The following PCDH11X variants were observed in gnomAD, a reference collection of about 807,000 sequenced individuals.
PCDH11X encodes the protein protocadherin 11 X-linked.
Under a neutral mutation model 53.3 loss-of-function variants are expected in PCDH11X, and 18 were observed. The observed-to-expected ratio is 0.34, with a 90% confidence interval of 0.23 to 0.50. The LOEUF (loss-of-function observed/expected upper bound fraction) is 0.50, where lower values mean the gene tolerates loss of function less well. Ranked by LOEUF, PCDH11X falls within the 20% of genes least tolerant of loss-of-function variation. The probability of loss-of-function intolerance (pLI) is 0.98; values close to 1 mark genes in which losing one functional copy is unlikely to be tolerated. For synonymous variants in PCDH11X, 279 were observed against 393.3 expected (o/e 0.71, Z 3.44); for missense variants, 570 against 1,032.4 (o/e 0.55, Z 6.14).
chrX:92,054,774 C>T (rs1320132779), intron 6 of PCDH11X, among the ~76,000 whole-genome samples: 3 of 90,834 alleles, frequency 3.3e-5, no homozygotes, highest in African/African-American at 4.3e-5. Flanking sequence ...GAGCTGAGAT[C>T]GTGCCATTGC....
At chrX:92,567,170 A>G (rs1266498950) in intron 10 of PCDH11X, among the ~76,000 whole-genome samples, 1 of 104,535 alleles carries the variant, frequency 9.6e-6, no homozygotes, top group Non-Finnish European at 2.0e-5. Context: ...AAGAATGTCA[A>G]TGGTACTTTA....
intron 7 of PCDH11X, among the ~76,000 whole-genome samples, chrX:92,262,430 A>ATGCTTT (rs1389567420): frequency 9.0e-6 from 1 of 111,641 alleles, no homozygotes; most frequent in Non-Finnish European, 1.9e-5. Flanking sequence ...AAAAGGACAA[A>ATGCTTT]TGGTCTATAT....
At chrX:92,136,636 AG>A (rs1270469550) in intron 6 of PCDH11X, among the ~76,000 whole-genome samples, 1 of 103,024 alleles carries the variant, frequency 9.7e-6, no homozygotes, top group Non-Finnish European at 2.0e-5. Context: ...TTGTTGCAAA[AG>A]ACATGATGGG....
At chrX:92,238,504 A>T (rs972613214) in intron 7 of PCDH11X, among the ~76,000 whole-genome samples, 9 of 110,873 alleles carry the variant, frequency 8.1e-5, no homozygotes, top group African/African-American at 2.6e-4. Context: ...TTAAGGAAAA[A>T]AACAACTACT....
At chrX:92,279,509 A>G (rs1167676664) in intron 8 of PCDH11X, among the ~76,000 whole-genome samples, 1 of 112,337 alleles carries the variant, frequency 8.9e-6, no homozygotes, top group East Asian at 2.8e-4. Context: ...CGTATTTTGT[A>G]ATAAAGGTGA....
chrX:92,112,086 AT>A (rs1431015066), intron 6 of PCDH11X, among the ~76,000 whole-genome samples: 1 of 98,684 alleles, frequency 1.0e-5, no homozygotes, highest in Non-Finnish European at 2.0e-5. Context: ...AACTGCACTG[AT>A]TATCACACAA....
intron 6 of PCDH11X, among the ~76,000 whole-genome samples, chrX:92,085,038 G>A (rs991607026): frequency 1.4e-4 from 15 of 110,080 alleles, no homozygotes; most frequent in East Asian, 8.6e-4. Context: ...TGAATGAGGC[G>A]GCACTCAGAA....
At chrX:92,319,681 A>C (rs188491323) in intron 8 of PCDH11X, among the ~76,000 whole-genome samples, 1,843 of 110,726 alleles carry the variant, frequency 0.017, 39 homozygotes, top group African/African-American at 0.058. Flanking sequence ...CTTCTATGTG[A>C]AATGCAGATA....
chrX:92,006,436 C>A (rs2062601737), intron 6 of PCDH11X, among the ~76,000 whole-genome samples: 1 of 107,895 alleles, frequency 9.3e-6, no homozygotes, highest in South Asian at 4.2e-4. Flanking sequence ...TGTTCAGCTT[C>A]AGAATTTCTG....
chrX:92,504,057 A>G (rs1269835271), intron 10 of PCDH11X, among the ~76,000 whole-genome samples: 1 of 86,602 alleles, frequency 1.2e-5, no homozygotes, highest in African/African-American at 4.1e-5. Context: ...AAAAAAAAAA[A>G]AGACTTCTTA....
intron 5 of PCDH11X, among the ~76,000 whole-genome samples, chrX:91,853,638 GA>G (rs1172622012): frequency 9.2e-6 from 1 of 108,454 alleles, no homozygotes; most frequent in Non-Finnish European, 1.9e-5. Flanking sequence ...TAATGGATAA[GA>G]AAAAGATAAA....
chrX:92,019,790 A>G (rs1021182254), intron 6 of PCDH11X, among the ~76,000 whole-genome samples: 1 of 112,424 alleles, frequency 8.9e-6, no homozygotes, highest in African/African-American at 3.2e-5. Flanking sequence ...AAGATGGCCA[A>G]CTAGAAGCAG....
At chrX:92,580,968 G>T (rs1923614060) in intron 10 of PCDH11X, among the ~76,000 whole-genome samples, 1 of 110,122 alleles carries the variant, frequency 9.1e-6, no homozygotes, top group African/African-American at 3.3e-5. Flanking sequence ...CCCAGTGAGA[G>T]AACCTGGATA....
intron 6 of PCDH11X, among the ~76,000 whole-genome samples, chrX:92,052,217 A>C (rs915836648): frequency 3.6e-5 from 4 of 111,508 alleles, no homozygotes; most frequent in African/African-American, 1.3e-4. Context: ...ATGACTACAG[A>C]AACTATAGTA....
At chrX:92,459,881 C>G in intron 9 of PCDH11X, 1 of 1,144,060 alleles carries the variant, frequency 8.7e-7, no homozygotes, top group Non-Finnish European at 1.2e-6. Flanking sequence ...GGGGGTCTGG[C>G]AGGAATGGGA....
intron 8 of PCDH11X, among the ~76,000 whole-genome samples, chrX:92,346,356 C>A (rs1009790552): frequency 9.0e-6 from 1 of 111,071 alleles, no homozygotes; most frequent in South Asian, 3.8e-4. Flanking sequence ...ATTTTTGCTA[C>A]ATTTTACATC....
At chrX:92,572,220 A>T (rs1225371935) in intron 10 of PCDH11X, among the ~76,000 whole-genome samples, 2 of 112,036 alleles carry the variant, frequency 1.8e-5, no homozygotes, top group Non-Finnish European at 3.8e-5. Context: ...TATAAATCAG[A>T]AGTTTCTCTG....
At chrX:92,151,340 C>T (rs928949605) in intron 6 of PCDH11X, among the ~76,000 whole-genome samples, 1 of 109,396 alleles carries the variant, frequency 9.1e-6, no homozygotes, top group Non-Finnish European at 1.9e-5. Flanking sequence ...CTACAGGGGC[C>T]CGCCACCGTG....
chrX:91,978,244 C>T (rs1325459049), intron 6 of PCDH11X, among the ~76,000 whole-genome samples: 2 of 108,967 alleles, frequency 1.8e-5, no homozygotes, highest in Admixed American at 9.9e-5. Flanking sequence ...GGGTCCCTTT[C>T]TTATGACTGT....
Sources: allele counts gnomAD v4.1 joint callset (sites outside exome capture counted in the v4.1 genomes callset), GRCh38; gene constraint gnomAD v4.1.1; transcripts MANE v1.5; gene names NCBI Gene and HGNC (gene_info 2026-07-23, HGNC 2026-07-21).